PCSK5: variants seen among roughly 807,000 people sequenced by gnomAD.
PCSK5 encodes prohormone convertase 5.
In PCSK5, 129 loss-of-function variants were observed where a neutral mutation model predicts 233.2. The observed-to-expected ratio is 0.55, with a 90% CI of 0.48 to 0.64. The LOEUF (loss-of-function observed/expected upper bound fraction) is 0.64. Ranked by LOEUF, PCSK5 falls within the 30% of genes least tolerant of loss-of-function variation. The pLI, the probability that PCSK5 is intolerant of heterozygous loss-of-function variation, is 0.00. For synonymous variants in PCSK5, 825 were observed against 879.2 expected (o/e 0.94, Z 1.09); for missense variants, 2,076 against 2,430.1 (o/e 0.85, Z 3.06).
At chr9:76,042,068 G>T (rs1051074554) in intron 5 of PCSK5, among the ~76,000 whole-genome samples, 2 of 152,034 alleles carry the variant, frequency 1.3e-5, no homozygotes, top group Non-Finnish European at 2.9e-5. Context: ...GTTACCTTGT[G>T]TATTACGATT....
chr9:76,132,165 C>T (rs529509479), intron 9 of PCSK5, among the ~76,000 whole-genome samples: 42 of 152,086 alleles, frequency 2.8e-4, no homozygotes, highest in South Asian at 4.2e-4. Flanking sequence ...TTCTAATTTC[C>T]GTGACAGTAG....
intron 9 of PCSK5, among the ~76,000 whole-genome samples, chr9:76,132,056 AT>A (rs964566673): frequency 6.6e-6 from 1 of 151,978 alleles, no homozygotes; most frequent in African/African-American, 2.4e-5. Flanking sequence ...CTTTCTTGTT[AT>A]TTTTGTCATT....
At position 75,950,112 on chromosome 9, in the gene PCSK5, C is replaced by G. The variant is rs566572020; in HGVS notation, c.297+17629C>G. On this transcript the variant is annotated intron_variant, in intron 2 of 37. Coordinates refer to ENST00000674117, the MANE Select transcript of PCSK5 (RefSeq NM_001372043.1). ...TCCTTCTCTATACCGGACCCTTAAA[C>G]CTTTATAGTGGGACACACTTGTGTG... is the stretch of plus-strand genomic sequence containing the variant. 1.0e-4 allele frequency among the ~76,000 whole-genome samples: 12 copies of G among 119,108 alleles called. No homozygotes were observed. In the East Asian group the frequency reaches 3.1e-3, roughly 31 times the overall value. The allele number at this position is 119,108 out of a possible 152,430, so 78.1% of individuals were successfully genotyped here. A position where few individuals can be genotyped will look rare whatever the true frequency, so the allele number is the denominator to read the frequency against.
intron 1 of PCSK5, among the ~76,000 whole-genome samples, chr9:75,915,085 C>T (rs1361361324): frequency 6.6e-6 from 1 of 152,230 alleles, no homozygotes; most frequent in Non-Finnish European, 1.5e-5. Context: ...AACCACAGAA[C>T]TCTTTCCTAG....
chr9:76,343,896 A>G (rs978069693), intron 35 of PCSK5, among the ~76,000 whole-genome samples: 1 of 152,164 alleles, frequency 6.6e-6, no homozygotes, highest in Non-Finnish European at 1.5e-5. Flanking sequence ...GTGTAGCAGC[A>G]CTGTCCAGTA....
intron 5 of PCSK5, among the ~76,000 whole-genome samples, chr9:76,043,200 CCGGGCGTGGTGG>C (rs1352508369): frequency 1.3e-5 from 2 of 151,862 alleles, no homozygotes; most frequent in Non-Finnish European, 2.9e-5. Flanking sequence ...CAAAAAATTA[CCGGGCGTGGTGG>C]CGGGCGCCTG....
At chr9:76,046,475 C>T (rs984362103) in intron 5 of PCSK5, among the ~76,000 whole-genome samples, 2 of 149,464 alleles carry the variant, frequency 1.3e-5, no homozygotes, top group Non-Finnish European at 3.0e-5. Flanking sequence ...CGCGCCCAGC[C>T]AATTTTTTCT....
At chr9:75,945,759 G>C (rs1244202587) in intron 2 of PCSK5, among the ~76,000 whole-genome samples, 2 of 151,764 alleles carry the variant, frequency 1.3e-5, no homozygotes, top group Non-Finnish European at 1.5e-5. Flanking sequence ...TCTCTGTCTC[G>C]CTTTCTGTCT....
At chr9:75,941,532 G>T (rs894344308) in intron 2 of PCSK5, among the ~76,000 whole-genome samples, 60 of 152,070 alleles carry the variant, frequency 3.9e-4, no homozygotes, top group African/African-American at 1.4e-3. Flanking sequence ...GGCTGCAGAT[G>T]TGCTGATCAG....
chr9:75,933,407 C>T (rs557874318), intron 2 of PCSK5, among the ~76,000 whole-genome samples: 33 of 152,194 alleles, frequency 2.2e-4, no homozygotes, highest in African/African-American at 7.2e-4. Context: ...CCCCTCCTTA[C>T]GATTTGGGTT....
At chr9:76,094,457 AG>A (rs538249747) in intron 7 of PCSK5, among the ~76,000 whole-genome samples, 384 of 152,322 alleles carry the variant, frequency 2.5e-3, no homozygotes, top group African/African-American at 8.9e-3. Flanking sequence ...ACAATTTCTT[AG>A]GGATTCAGCT....
At chr9:76,303,400 T>C (rs898244577) in intron 28 of PCSK5, among the ~76,000 whole-genome samples, 1 of 152,170 alleles carries the variant, frequency 6.6e-6, no homozygotes, top group Non-Finnish European at 1.5e-5. Flanking sequence ...GAACGTGAGA[T>C]ACATGTAATT....
chr9:76,166,188 A>G (rs928900645), intron 12 of PCSK5, among the ~76,000 whole-genome samples: 1 of 152,050 alleles, frequency 6.6e-6, no homozygotes, highest in African/African-American at 2.4e-5. Context: ...GCAAAATGTG[A>G]TGGTTGTGTT....
intron 5 of PCSK5, among the ~76,000 whole-genome samples, chr9:76,034,337 C>T (rs555625627): frequency 3.9e-5 from 6 of 152,226 alleles, no homozygotes; most frequent in Admixed American, 6.5e-5. Flanking sequence ...CTTATTAAAT[C>T]GTTTCCTTGT....
At chr9:76,079,024 G>T (rs575196095) in intron 7 of PCSK5, among the ~76,000 whole-genome samples, 3 of 151,604 alleles carry the variant, frequency 2.0e-5, no homozygotes, top group Non-Finnish European at 4.4e-5. Flanking sequence ...TCTTCTTCTT[G>T]TAGACATCTT....
chr9:76,220,517 A>G (rs1356691609), intron 20 of PCSK5, among the ~76,000 whole-genome samples: 2 of 110,404 alleles, frequency 1.8e-5, no homozygotes, highest in Non-Finnish European at 3.5e-5. Flanking sequence ...ACCGAGCAAG[A>G]CTCTGTCTCA....
rs547345596 is a variant in PCSK5, at chr9:76,296,564, T to C, written c.3323-101T>C. The C allele has an allele frequency of 4.5e-5, 32 of 710,964 alleles. No homozygotes were observed. The South Asian group carries it at 5.7e-4, about 13-fold the overall frequency. 44.0% of individuals were successfully genotyped at this position (710,964 alleles called of 1,614,324 possible). On this transcript the variant is annotated intron_variant, in intron 26 of 37. Transcript: ENST00000674117. ...TCTCAAAAATAATAATAAAAACAAA[T>C]GCAAAGAAAAATGTCCCTAAAATTT...
At chr9:76,166,612 G>A (rs1253953137) in intron 12 of PCSK5, among the ~76,000 whole-genome samples, 3 of 152,300 alleles carry the variant, frequency 2.0e-5, no homozygotes, top group East Asian at 1.9e-4. Flanking sequence ...TTTTGGATGT[G>A]AGGCAATGAG....
intron 34 of PCSK5, among the ~76,000 whole-genome samples, chr9:76,335,344 T>C (rs1829648943): frequency 6.6e-6 from 1 of 152,166 alleles, no homozygotes; most frequent in Non-Finnish European, 1.5e-5. Context: ...ATCTCTTTAA[T>C]AAAGAAGAAA....
Sources: gnomAD v4.1 joint callset for allele counts (sites outside exome capture counted in the v4.1 genomes callset) on GRCh38, gnomAD v4.1.1 for gene constraint, MANE v1.5 for transcripts, NCBI Gene and HGNC (gene_info 2026-07-23, HGNC 2026-07-21) for gene names.